GPC5: variants seen among roughly 807,000 people sequenced by gnomAD.
GPC5 encodes glypican-5.
Under a neutral mutation model 53.9 loss-of-function variants are expected in GPC5, and 47 were observed. The ratio of observed to expected loss-of-function variants is 0.87; its 90% CI spans 0.69 to 1.11. The LOEUF (loss-of-function observed/expected upper bound fraction) is 1.11, where lower values mean the gene tolerates loss of function less well. Ranked by LOEUF, GPC5 falls within the 50% of genes most tolerant of loss-of-function variation. GPC5 has a pLI of 0.00. For synonymous variants in GPC5, 286 were observed against 263.3 expected (o/e 1.09, Z -0.84); for missense variants, 748 against 713.1 (o/e 1.05, Z -0.56).
intron 7 of GPC5, among the ~76,000 whole-genome samples, chr13:92,563,194 C>T (rs1267021276): frequency 1.3e-5 from 2 of 151,938 alleles, no homozygotes; most frequent in Admixed American, 6.6e-5. Flanking sequence ...TATAAGATCA[C>T]TTAGCTTTTT....
chr13:91,961,102 G>A (rs372917342), intron 6 of GPC5, among the ~76,000 whole-genome samples: 1 of 151,772 alleles, frequency 6.6e-6, no homozygotes, highest in Admixed American at 6.6e-5. Flanking sequence ...ACAGAGTGAC[G>A]AGGCAAACTG....
At chr13:92,166,436 A>G (rs2042028233) in intron 7 of GPC5, among the ~76,000 whole-genome samples, 1 of 152,236 alleles carries the variant, frequency 6.6e-6, no homozygotes. Flanking sequence ...ATATTTTAAA[A>G]TAATGGTTGT....
intron 5 of GPC5, among the ~76,000 whole-genome samples, chr13:91,879,863 A>C (rs1368792533): frequency 6.6e-6 from 1 of 152,174 alleles, no homozygotes; most frequent in African/African-American, 2.4e-5. Flanking sequence ...TTTCTCAGGA[A>C]GTGTAGAATT....
chr13:91,502,366 T>G (rs1884687182), intron 2 of GPC5, among the ~76,000 whole-genome samples: 1 of 151,138 alleles, frequency 6.6e-6, no homozygotes. Context: ...TTCTAGGGTT[T>G]TTATGGTTTT....
chr13:92,068,033 T>G (rs1594750997), intron 6 of GPC5, among the ~76,000 whole-genome samples: 1 of 152,018 alleles, frequency 6.6e-6, no homozygotes, highest in East Asian at 1.9e-4. Flanking sequence ...TTTGGAAAAT[T>G]TTTTTAAAGG....
chr13:92,060,406 A>G (rs1442904583), intron 6 of GPC5, among the ~76,000 whole-genome samples: 2 of 152,098 alleles, frequency 1.3e-5, no homozygotes, highest in Admixed American at 6.6e-5. Flanking sequence ...CAGTACAAAA[A>G]TGAAGGACTT....
chr13:92,264,536 G>A (rs2042788261), intron 7 of GPC5, among the ~76,000 whole-genome samples: 1 of 151,988 alleles, frequency 6.6e-6, no homozygotes, highest in African/African-American at 2.4e-5. Context: ...AATGGAGCAA[G>A]GAGAGCTTTG....
rs1430380970 is a variant in GPC5, at chr13:92,688,233, C to T, written c.1562-178049C>T. ...GTTGGTAAACTATTGATTATTGCCA[C>T]AATTTCAGAGCCTGTTATTGGTCTA... is the stretch of plus-strand genomic sequence containing the variant. On this transcript the variant is annotated intron_variant, in intron 7 of 7. Transcript: ENST00000377067. 4.7e-4 allele frequency among the ~76,000 whole-genome samples: 26 copies of T among 55,152 alleles called. 1 individual carries two copies. The highest frequency in any genetic ancestry group is 2.1e-3 in the African/African-American group (23 of 10,900). 36.2% of individuals were successfully genotyped at this position (55,152 alleles called of 152,430 possible).
chr13:92,753,781 AAAAG>A (rs1874707160), intron 7 of GPC5, among the ~76,000 whole-genome samples: 1 of 152,188 alleles, frequency 6.6e-6, no homozygotes, highest in Non-Finnish European at 1.5e-5. Flanking sequence ...TTTAGAAAAA[AAAAG>A]AATAAAAAGA....
chr13:91,402,424 T>C (rs554482133), intron 1 of GPC5, among the ~76,000 whole-genome samples: 1 of 152,322 alleles, frequency 6.6e-6, no homozygotes, highest in African/African-American at 2.4e-5. Flanking sequence ...AATCTTATTA[T>C]TGCTCCAAGG....
intron 6 of GPC5, among the ~76,000 whole-genome samples, chr13:92,091,288 A>G (rs1487028657): frequency 6.6e-6 from 1 of 152,136 alleles, no homozygotes; most frequent in African/African-American, 2.4e-5. Flanking sequence ...TTAGATACAG[A>G]ATCAGTTACT....
At chr13:91,885,953 A>G (rs2039317155) in intron 5 of GPC5, among the ~76,000 whole-genome samples, 1 of 147,338 alleles carries the variant, frequency 6.8e-6, no homozygotes, top group African/African-American at 2.5e-5. Flanking sequence ...TCTTGTATAC[A>G]GGATCATTTT....
intron 6 of GPC5, among the ~76,000 whole-genome samples, chr13:91,975,496 T>C (rs1434842600): frequency 6.6e-6 from 1 of 152,224 alleles, no homozygotes; most frequent in East Asian, 1.9e-4. Context: ...AAGACATTTA[T>C]GCAGCCAAAA....
chr13:92,754,185 A>G (rs1331626967), intron 7 of GPC5, among the ~76,000 whole-genome samples: 1 of 152,184 alleles, frequency 6.6e-6, no homozygotes, highest in Non-Finnish European at 1.5e-5. Flanking sequence ...CAACATTCTT[A>G]AAGACAAGAA....
At chr13:91,980,925 T>C (rs1487787526) in intron 6 of GPC5, among the ~76,000 whole-genome samples, 2 of 152,228 alleles carry the variant, frequency 1.3e-5, no homozygotes, top group South Asian at 2.1e-4. Context: ...GGTGTATAGT[T>C]CTAGTTTTAT....
intron 5 of GPC5, among the ~76,000 whole-genome samples, chr13:91,847,301 A>G (rs1566301102): frequency 6.6e-6 from 1 of 152,076 alleles, no homozygotes; most frequent in East Asian, 1.9e-4. Context: ...GACTTTTAAA[A>G]GACTCCTTTA....
chr13:92,505,046 T>G (rs1237306450), intron 7 of GPC5, among the ~76,000 whole-genome samples: 1 of 151,616 alleles, frequency 6.6e-6, no homozygotes, highest in African/African-American at 2.4e-5. Context: ...AACTTACTGT[T>G]AAGAAACTTT....
intron 7 of GPC5, among the ~76,000 whole-genome samples, chr13:92,632,586 A>G (rs1468939618): frequency 6.6e-6 from 1 of 151,598 alleles, no homozygotes; most frequent in East Asian, 1.9e-4. Flanking sequence ...ATATGTATGC[A>G]CTAAGAAAAT....
At chr13:91,795,494 A>G (rs1256311502) in intron 5 of GPC5, among the ~76,000 whole-genome samples, 1 of 152,144 alleles carries the variant, frequency 6.6e-6, no homozygotes, top group Admixed American at 6.5e-5. Context: ...TTTAGCCATG[A>G]TTTGTTGATT....
Sources: gnomAD v4.1 joint callset for allele counts (sites outside exome capture counted in the v4.1 genomes callset) on GRCh38, gnomAD v4.1.1 for gene constraint, MANE v1.5 for transcripts, NCBI Gene and HGNC (gene_info 2026-07-23, HGNC 2026-07-21) for gene names.